The following CDKN2A variants were observed in gnomAD, a reference collection of about 807,000 sequenced individuals.
CDKN2A encodes cyclin dependent kinase inhibitor 2A, also known as cyclin-dependent kinase inhibitor 2A.
In CDKN2A, 3 loss-of-function variants were observed where a neutral mutation model predicts 11.1. The ratio of observed to expected loss-of-function variants is 0.27; its 90% confidence interval spans 0.12 to 0.70. The LOEUF (loss-of-function observed/expected upper bound fraction) is 0.70. Ranked by LOEUF, CDKN2A falls within the 30% of genes least tolerant of loss-of-function variation. The pLI, the probability that CDKN2A is intolerant of heterozygous loss-of-function variation, is 0.77. For missense variants in CDKN2A, 265 were observed against 233.6 expected (o/e 1.13, Z -0.88); for synonymous variants, 122 against 108.1 (o/e 1.13, Z -0.80).
At chr9:21,969,388 A>G (rs757961836) in intron 2 of CDKN2A, among the ~76,000 whole-genome samples, 2 of 152,076 alleles carry the variant, frequency 1.3e-5, no homozygotes, top group Non-Finnish European at 2.9e-5. Flanking sequence ...TCTGTCTCCA[A>G]ATGTAAACCC....
chr9:21,990,108 C>T (rs1311901179), intron 2 of CDKN2A, among the ~76,000 whole-genome samples: 1 of 151,812 alleles, frequency 6.6e-6, no homozygotes, highest in Non-Finnish European at 1.5e-5. Context: ...CCGGAGGCGG[C>T]GAGACCTGCC....
chr9:21,984,301 C>T (rs554926565), intron 2 of CDKN2A, among the ~76,000 whole-genome samples: 3 of 152,082 alleles, frequency 2.0e-5, no homozygotes, highest in East Asian at 3.9e-4. Context: ...AAAAACCCCT[C>T]ATTAAATCAT....
At chr9:21,992,144 A>C in intron 2 of CDKN2A, 2 of 827,360 alleles carry the variant, frequency 2.4e-6, no homozygotes, top group Non-Finnish European at 2.9e-6. Flanking sequence ...ACTTAAAAAA[A>C]GTTAAAATAA....
Position 21,968,186 on chromosome 9 carries a change from T to TAA in CDKN2A, c.*42_*43insTT. 1 of 1,592,034 alleles carries TAA rather than the reference T, an allele frequency of 6.3e-7. No homozygotes were observed. Among genetic ancestry groups the TAA allele is most frequent in the Non-Finnish European group, 8.6e-7 (1 of 1,160,178 alleles). ...GCCCTGTAGGACCTTCGGTGACTGA[T>TAA]GATCTAAGTTTCCCGAGGTTTCTCA... On this transcript the variant is annotated 3_prime_UTR_variant, in exon 3 of 3. Coordinates refer to ENST00000304494, the MANE Select transcript of CDKN2A (RefSeq NM_000077.5). The surrounding 1 kb of genome is among the most constrained non-coding windows in gnomAD (Gnocchi z 4.7).
chr9:21,971,235 G>A, intron 1 of CDKN2A, 27 bp from the exon 2 acceptor site: 1 of 1,590,538 alleles, frequency 6.3e-7, no homozygotes, highest in Non-Finnish European at 8.5e-7. Flanking sequence ...AATGGTCAGA[G>A]CCAGGGTGGG....
intron 2 of CDKN2A, among the ~76,000 whole-genome samples, chr9:21,979,866 G>A (rs1820132401): frequency 6.6e-6 from 1 of 152,090 alleles, no homozygotes; most frequent in Admixed American, 6.5e-5. Flanking sequence ...AGAAAGCCCT[G>A]CAGTGGTGCT....
rs1192541701 is a variant in CDKN2A at position 21,995,205 on chromosome 9, C to T, written c.-560G>A. On this transcript the variant is annotated 5_prime_UTR_variant, in exon 1 of 4. Transcript: ENST00000494262. This position sits in a 1 kb window ranked among gnomAD's most constrained non-coding sequence, Gnocchi z 5.7. ...GGGGGTCCCAGCTGGGTCCGGGCGC[C>T]CATTCCCCTCCCAGCTGCCCGCGTC... The T allele has an allele frequency of 1.3e-5, 2 of 152,248 alleles. No homozygotes were observed. Among genetic ancestry groups the T allele is most frequent in the Non-Finnish European group, 2.9e-5 (2 of 68,068 alleles). The allele number at this position is 152,248 out of a possible 1,614,324, so 9.4% of individuals were successfully genotyped here. A position where few individuals can be genotyped will look rare whatever the true frequency, so the allele number is the denominator to read the frequency against.
chr9:21,983,154 T>C (rs113318817), intron 2 of CDKN2A, among the ~76,000 whole-genome samples: 13 of 152,072 alleles, frequency 8.5e-5, no homozygotes, highest in Non-Finnish European at 1.8e-4. Flanking sequence ...GATAGAAATT[T>C]GGAACTCAAA....
chr9:21,973,860 G>T (rs970487819), intron 1 of CDKN2A, among the ~76,000 whole-genome samples: 7 of 152,080 alleles, frequency 4.6e-5, no homozygotes, highest in African/African-American at 1.4e-4. Flanking sequence ...ACAATATGTA[G>T]TTGCTTCTGA....
At chr9:21,978,917 A>C (rs982290221), upstream of CDKN2A, among the ~76,000 whole-genome samples, 1 of 152,328 alleles carries the variant, frequency 6.6e-6, no homozygotes, top group East Asian at 1.9e-4. Context: ...TCTCATTTGC[A>C]TGATTAGGAT....
In CDKN2A at chr9:21,991,925, C is replaced by T; in HGVS notation, c.-4+1957G>A. On this transcript the variant is annotated intron_variant, in intron 2 of 3. Transcript: ENST00000494262. The surrounding 1 kb of genome is among the most constrained non-coding windows in gnomAD (Gnocchi z 5.2). Reference sequence around the variant, plus strand: ...CTGTGCTATTAAAGAAAAAAATAACCTGAGCCTTCTGAAGTAGCTATAAAC... The same window carrying T: ...CTGTGCTATTAAAGAAAAAAATAACTTGAGCCTTCTGAAGTAGCTATAAAC... 2 of 984,790 alleles carry T rather than the reference C, an allele frequency of 2.0e-6. No individual in the cohort carries two copies. Among genetic ancestry groups the T allele is most frequent in the South Asian group, 9.4e-5 (2 of 21,270 alleles). 61.0% of individuals were successfully genotyped at this position (984,790 alleles called of 1,614,324 possible). A position where few individuals can be genotyped will look rare whatever the true frequency, so the allele number is the denominator to read the frequency against.
At chr9:21,972,197 TTTAA>T in intron 1 of CDKN2A, among the ~76,000 whole-genome samples, 2 of 152,254 alleles carry the variant, frequency 1.3e-5, no homozygotes, top group South Asian at 4.2e-4. Context: ...AGAAGGCTAG[TTTAA>T]TTAACCCTAA....
chr9:21,977,332 C>T (rs1328265962), upstream of CDKN2A, among the ~76,000 whole-genome samples: 2 of 152,022 alleles, frequency 1.3e-5, no homozygotes, highest in Non-Finnish European at 2.9e-5. Flanking sequence ...ATCACTAATA[C>T]AATGGTTCTT....
chr9:21,980,121 T>C (rs1820136977), intron 2 of CDKN2A, among the ~76,000 whole-genome samples: 1 of 152,224 alleles, frequency 6.6e-6, no homozygotes, highest in Admixed American at 6.5e-5. Flanking sequence ...GTGACAGTTC[T>C]CATGTATCTA....
chr9:21,981,805 A>T (rs1013774321), intron 2 of CDKN2A, among the ~76,000 whole-genome samples: 1 of 152,168 alleles, frequency 6.6e-6, no homozygotes, highest in East Asian at 1.9e-4. Flanking sequence ...TTTAAACGGG[A>T]AAGAAACACT....
chr9:21,987,764 A>T (rs544582565), intron 2 of CDKN2A, among the ~76,000 whole-genome samples: 7 of 152,274 alleles, frequency 4.6e-5, no homozygotes, highest in African/African-American at 1.7e-4. Flanking sequence ...TCTAAACTTA[A>T]AATCTTACCT....
chr9:21,980,430 T>C (rs1043551599), intron 2 of CDKN2A, among the ~76,000 whole-genome samples: 4 of 152,176 alleles, frequency 2.6e-5, no homozygotes, highest in Non-Finnish European at 5.9e-5. Flanking sequence ...TCACATTCCA[T>C]GATTTATATT....
At chr9:21,992,562 T>G (rs965561533) in intron 2 of CDKN2A, 1 of 459,702 alleles carries the variant, frequency 2.2e-6, no homozygotes, top group African/African-American at 2.1e-5. Flanking sequence ...TAACATACTA[T>G]AAAATATTTT....
chr9:21,994,583 G>T (rs1436724193), intron 1 of CDKN2A: 2 of 897,008 alleles, frequency 2.2e-6, no homozygotes, highest in East Asian at 6.8e-5. Flanking sequence ...CCCTGCGCAC[G>T]CGGGAAGGGC....
Sources: allele counts gnomAD v4.1 joint callset (sites outside exome capture counted in the v4.1 genomes callset), GRCh38; gene constraint gnomAD v4.1.1; non-coding constraint Gnocchi (gnomAD v3.1); transcripts MANE v1.5; gene names NCBI Gene and HGNC (gene_info 2026-07-23, HGNC 2026-07-21).